The following ABCC8 variants were observed in gnomAD, a reference collection of about 807,000 sequenced individuals.
ABCC8 encodes ATP-binding cassette sub-family C member 8.
In ABCC8, 137 loss-of-function variants were observed where a neutral mutation model predicts 188.0. The ratio of observed to expected loss-of-function variants is 0.73; its 90% CI spans 0.63 to 0.84. The LOEUF is 0.84. ABCC8 is among the 40% of genes least tolerant of loss of function. The pLI is 0.00. For missense variants in ABCC8, 1,750 were observed against 2,072.7 expected (o/e 0.84, Z 3.02); for synonymous variants, 797 against 846.5 (o/e 0.94, Z 1.01).
At chr11:17,472,176 T>C (rs560842546) in intron 2 of ABCC8, among the ~76,000 whole-genome samples, 77 of 152,370 alleles carry the variant, frequency 5.1e-4, no homozygotes, top group African/African-American at 1.8e-3. Flanking sequence ...TTAACCATAA[T>C]TGAACTAAAT....
intron 6 of ABCC8, among the ~76,000 whole-genome samples, chr11:17,454,898 A>G (rs1591867979): frequency 6.6e-6 from 1 of 151,982 alleles, no homozygotes; most frequent in South Asian, 2.1e-4. Flanking sequence ...CTTGTGGGGG[A>G]TGGAAACTTG....
intron 22 of ABCC8, 124 bp downstream of exon 22, chr11:17,410,392 C>G: frequency 9.0e-7 from 1 of 1,111,874 alleles, no homozygotes; most frequent in South Asian, 1.4e-5. Flanking sequence ...CCATCCAGTG[C>G]TGGTCTCTTA....
intron 3 of ABCC8, among the ~76,000 whole-genome samples, chr11:17,468,473 GGCC>G (rs1848291971): frequency 6.6e-6 from 1 of 152,112 alleles, no homozygotes; most frequent in Non-Finnish European, 1.5e-5. Flanking sequence ...GAAGTCTGAG[GGCC>G]CTTAGACACG....
At chr11:17,444,985 C>T (rs1045236474) in intron 8 of ABCC8, among the ~76,000 whole-genome samples, 2 of 152,136 alleles carry the variant, frequency 1.3e-5, no homozygotes, top group East Asian at 3.9e-4. Flanking sequence ...GATGGCCTAC[C>T]CTCCTCTCAG....
chr11:17,393,288 G>A, intron 38 of ABCC8, 160 bp from the exon 39 acceptor site: 1 of 977,040 alleles, frequency 1.0e-6, no homozygotes, highest in Admixed American at 2.2e-5. Context: ...GGGTGGATGT[G>A]ACTACAAGCT....
chr11:17,397,371 A>G, intron 31 of ABCC8, 58 bp from the exon 32 acceptor site: 1 of 1,601,370 alleles, frequency 6.2e-7, no homozygotes, highest in East Asian at 2.2e-5. Flanking sequence ...GTCCTCAGCC[A>G]CCAGAATGGC....
At chr11:17,438,560 C>T (rs924010150) in intron 10 of ABCC8, among the ~76,000 whole-genome samples, 1 of 152,208 alleles carries the variant, frequency 6.6e-6, no homozygotes, top group Non-Finnish European at 1.5e-5. Flanking sequence ...CCTGATAGGA[C>T]CTAGGACCCC....
chr11:17,436,395 GT>G (rs1047758756), intron 10 of ABCC8, among the ~76,000 whole-genome samples: 1 of 152,076 alleles, frequency 6.6e-6, no homozygotes, highest in African/African-American at 2.4e-5. Flanking sequence ...GCTGTCATGG[GT>G]TGAAGATCTG....
rs1372501807 is a variant in ABCC8 at position 17,434,670 on chromosome 11, T to TA, written c.1631-2427_1631-2426insT. ...TTCTACTGCACATTTTCCCTGGTCA[T>TA]GGTTTTTTTAATTTAATTTTTTTCA... On this transcript the variant is annotated intron_variant, in intron 10 of 38. Coordinates refer to ENST00000389817, the MANE Select transcript of ABCC8 (RefSeq NM_000352.6). 1.6e-4 allele frequency among the ~76,000 whole-genome samples: 24 copies of TA among 152,338 alleles called. 1 individual carries two copies. In the East Asian group the frequency reaches 4.6e-3, roughly 29 times the overall value.
rs985708318 is a variant in ABCC8, at chr11:17,400,565, G to A, written c.3650+2096C>T. ...ACTCAGTTTTCTTATGAAAAAAATG[G>A]GGAAGTGATAGTTCCTACATGAACG... is the stretch of plus-strand genomic sequence containing the variant. On this transcript the variant is annotated intron_variant, in intron 29 of 38. Coordinates refer to ENST00000389817, the MANE Select transcript of ABCC8 (RefSeq NM_000352.6). Among the ~76,000 whole-genome samples the A allele has an allele frequency of 3.9e-5, 6 of 152,166 alleles. 1 individual carries two copies. The South Asian group carries it at 1.2e-3, about 32-fold the overall frequency.
In ABCC8 at chr11:17,394,295, C is replaced by G; in HGVS notation, c.4516G>C (p.Glu1506Gln). 6.2e-7 allele frequency: 1 copy of G among 1,613,974 alleles called. No individual in the cohort carries two copies. Among genetic ancestry groups the G allele is most frequent in the Non-Finnish European group, 8.5e-7 (1 of 1,180,026 alleles). ...VRKTSIFIMD[E>Q]ATASIDMATE... The stretch of plus-strand genomic sequence containing the variant: ...GCCATGTCAATGGAAGCCGTGGCCT[C>G]GTCCATGATGAAGATGCTGGTCTTC... The change falls in exon 37 of 39, where the codon GAG (glutamate) becomes CAG (glutamine). Residue 1506 changes from glutamate to glutamine, a missense_variant. Coordinates refer to ENST00000389817, the MANE Select transcript of ABCC8 (RefSeq NM_000352.6).
At position 17,413,484 on chromosome 11, in the gene ABCC8, G is replaced by A. The variant is rs556416038; in HGVS notation, c.2391-6C>T. 74 of 1,613,658 alleles carry A rather than the reference G, an allele frequency of 4.6e-5. No individual in the cohort carries two copies. The South Asian group carries it at 6.5e-4, about 14-fold the overall frequency. ...CTTCAATGACCATCTTGTACCTGGC[G>A]TGGGTAGAGGCAGGGGATGCAGCTG... On this transcript the variant is annotated splice_region_variant and splice_polypyrimidine_tract_variant and intron_variant, in intron 19 of 38. Transcript: ENST00000389817.
chr11:17,419,119 T>C (rs1955217657), intron 16 of ABCC8, among the ~76,000 whole-genome samples: 1 of 152,156 alleles, frequency 6.6e-6, no homozygotes, highest in Non-Finnish European at 1.5e-5. Flanking sequence ...CCAAGCCTCC[T>C]CCAGTGAGCC....
At chr11:17,420,251 A>T (rs1237448996) in intron 16 of ABCC8, among the ~76,000 whole-genome samples, 1 of 152,176 alleles carries the variant, frequency 6.6e-6, no homozygotes, top group Admixed American at 6.5e-5. Flanking sequence ...AATTGATGTC[A>T]TTGGGTCCCA....
intron 4 of ABCC8, among the ~76,000 whole-genome samples, chr11:17,462,505 T>C (rs1043327617): frequency 2.4e-4 from 36 of 152,224 alleles, no homozygotes; most frequent in African/African-American, 6.8e-4. Context: ...CTGATCAAAA[T>C]TTAAAATACA....
intron 22 of ABCC8, among the ~76,000 whole-genome samples, chr11:17,409,968 C>G (rs1022039964): frequency 2.6e-5 from 4 of 152,022 alleles, no homozygotes; most frequent in Non-Finnish European, 5.9e-5. Context: ...TTCACAGCAG[C>G]CTTAAACTTC....
At chr11:17,426,355 C>G (rs1207225159) in intron 16 of ABCC8, among the ~76,000 whole-genome samples, 1 of 152,162 alleles carries the variant, frequency 6.6e-6, no homozygotes, top group African/African-American at 2.4e-5. Flanking sequence ...TTGTTGTTTC[C>G]TGACTTTTTA....
In ABCC8 at chr11:17,412,737, G is replaced by A. The variant is rs1805036; in HGVS notation, c.2485C>T (p.Leu829=). The change falls in exon 21 of 39, where the codon CTG becomes TTG. Residue 829 remains leucine, a synonymous_variant. Transcript: ENST00000389817. The stretch of plus-strand genomic sequence containing the variant: ...ATTCGCTGGCGTTGACCACCAGACA[G>A]GTTGATGCCCTGTCACCAAAGAGGA... ...QTQIGERGIN[L]SGGQRQRISV... 0.1 allele frequency: 167,466 copies of A among 1,609,174 alleles called. 10,160 individuals are homozygous for A. Among genetic ancestry groups the A allele is most frequent in the African/African-American group, 0.26 (19,512 of 74,830 alleles).
rs542099413 is a variant in ABCC8 at position 17,433,106 on chromosome 11, G to C, written c.1631-862C>G. On this transcript the variant is annotated intron_variant, in intron 10 of 38. Transcript: ENST00000389817. Reference sequence around the variant, plus strand: ...CCTCATGGGCTACTAGCTTAGCCCTGCTCCACAGGTCACCCCTCCTCTGGC... The same window carrying C: ...CCTCATGGGCTACTAGCTTAGCCCTCCTCCACAGGTCACCCCTCCTCTGGC... Among the ~76,000 whole-genome samples the C allele has an allele frequency of 5.3e-4, 81 of 152,258 alleles. 1 individual carries two copies. Among genetic ancestry groups the C allele is most frequent in the Non-Finnish European group, 9.3e-4 (63 of 68,006 alleles).
Sources: gnomAD v4.1 joint callset for allele counts (sites outside exome capture counted in the v4.1 genomes callset) on GRCh38, gnomAD v4.1.1 for gene constraint, MANE v1.5 for transcripts, NCBI Gene and HGNC (gene_info 2026-07-23, HGNC 2026-07-21) for gene names.